Variants in ATP2B2 observed in about 807,000 individuals in gnomAD.
The protein encoded by ATP2B2 is plasma membrane calcium-transporting ATPase 2.
A neutral mutation model predicts 120.0 loss-of-function variants in ATP2B2; 15 were observed. The ratio of observed to expected loss-of-function variants is 0.12; its 90% confidence interval spans 0.08 to 0.19. ATP2B2 has a LOEUF of 0.19. ATP2B2 is among the 10% of genes least tolerant of loss of function. The pLI is 1.00. For missense variants in ATP2B2, 1,045 were observed against 1,719.8 expected (o/e 0.61, Z 6.94); for synonymous variants, 694 against 700.3 (o/e 0.99, Z 0.14).
chr3:10,424,311 C>T (rs1002862474), intron 2 of ATP2B2, among the ~76,000 whole-genome samples: 6 of 152,196 alleles, frequency 3.9e-5, no homozygotes, highest in Non-Finnish European at 7.3e-5. Flanking sequence ...CCTGAGGCTC[C>T]GAACTGTACT....
chr3:10,571,125 A>C (rs1482017021), intron 2 of ATP2B2, among the ~76,000 whole-genome samples: 1 of 152,244 alleles, frequency 6.6e-6, no homozygotes, highest in Non-Finnish European at 1.5e-5. Context: ...TTGGGGAGGA[A>C]GAAGGTGTTC....
intron 8 of ATP2B2, among the ~76,000 whole-genome samples, chr3:10,382,966 C>T (rs1207210972): frequency 6.6e-6 from 1 of 151,996 alleles, no homozygotes; most frequent in East Asian, 1.9e-4. Context: ...CTGTAATGTG[C>T]TCTCACCTGG....
intron 2 of ATP2B2, among the ~76,000 whole-genome samples, chr3:10,608,810 C>A (rs977436533): frequency 2.6e-5 from 4 of 152,216 alleles, no homozygotes; most frequent in Non-Finnish European, 4.4e-5. Context: ...AGAAACCATT[C>A]TCTTGGCAAG....
At chr3:10,630,004 G>A (rs911313832) in intron 1 of ATP2B2, among the ~76,000 whole-genome samples, 14 of 152,128 alleles carry the variant, frequency 9.2e-5, no homozygotes, top group Admixed American at 3.9e-4. Flanking sequence ...CCTTATCCTC[G>A]GGGACAGACT....
At chr3:10,517,301 C>A (rs1481706232) in intron 3 of ATP2B2, among the ~76,000 whole-genome samples, 2 of 152,240 alleles carry the variant, frequency 1.3e-5, no homozygotes, top group African/African-American at 4.8e-5. Flanking sequence ...TCGGCCACCC[C>A]TTCCCCTTCC....
chr3:10,690,204 G>T (rs975779213), intron 1 of ATP2B2, among the ~76,000 whole-genome samples: 1 of 152,238 alleles, frequency 6.6e-6, no homozygotes, highest in African/African-American at 2.4e-5. Context: ...TTGACATAGG[G>T]GGGGACAAAC....
chr3:10,327,564 A>G lies in ATP2B2; in HGVS notation c.*1250T>C, dbSNP rs1384875690. 2 of 152,696 alleles carry G rather than the reference A, an allele frequency of 1.3e-5. No individual in the cohort carries two copies. The highest frequency in any genetic ancestry group is 2.9e-5 in the Non-Finnish European group (2 of 68,056). The allele number at this position is 152,696 out of a possible 1,614,324, so 9.5% of individuals were successfully genotyped here. A position where few individuals can be genotyped will look rare whatever the true frequency, so the allele number is the denominator to read the frequency against. ...TAAAAAAAAAAATCAACACAATACC[A>G]TTTATAATATTTCAACACTACCTCA... On this transcript the variant is annotated 3_prime_UTR_variant, in exon 23 of 23. Transcript: ENST00000360273.
At chr3:10,553,641 TG>T (rs376053899) in intron 2 of ATP2B2, among the ~76,000 whole-genome samples, 2,228 of 152,152 alleles carry the variant, frequency 0.015, 52 homozygotes, top group African/African-American at 0.05. Context: ...ATTGCAGAGC[TG>T]GGGGGGAAAC....
chr3:10,643,645 A>G (rs79732681), intron 1 of ATP2B2, among the ~76,000 whole-genome samples: 3,493 of 152,308 alleles, frequency 0.023, 68 homozygotes, highest in South Asian at 0.087. Context: ...AAACAGACAA[A>G]CCCCAAATAA....
In ATP2B2 at chr3:10,345,412, A is replaced by G; in HGVS notation, c.2675T>C (p.Val892Ala). The G allele has an allele frequency of 1.2e-6, 2 of 1,614,206 alleles. No individual in the cohort carries two copies. The highest frequency in any genetic ancestry group is 1.7e-6 in the Non-Finnish European group (2 of 1,180,030). The change falls in exon 18 of 23, where the codon GTG becomes GCG. Residue 892 changes from valine (V) to alanine (A), a missense_variant. Physicochemically the swap from Val to Ala is moderately conservative, Grantham distance 64 (BLOSUM62 0). Around this residue, in one of 11 missense-constraint regions of ATP2B2, gnomAD observed 98 missense variants for 266.7 expected, o/e 0.37. Transcript: ENST00000360273. The part of the protein sequence containing the change: ...QLTVNVVAVI[V>A]AFTGACITQD... ...CGTGATGCAGGCGCCTGTGAAGGCC[A>G]CAATCACGGCCACCACGTTGACGGT...
chr3:10,563,444 G>A (rs2067945744), intron 2 of ATP2B2, among the ~76,000 whole-genome samples: 1 of 152,256 alleles, frequency 6.6e-6, no homozygotes, highest in Admixed American at 6.5e-5. Context: ...TAAACAGGAT[G>A]TTATGTGGCT....
At chr3:10,425,974 C>T (rs1277890843) in intron 2 of ATP2B2, among the ~76,000 whole-genome samples, 1 of 152,222 alleles carries the variant, frequency 6.6e-6, no homozygotes, top group East Asian at 1.9e-4. Flanking sequence ...ATCCAGAAGG[C>T]CCTGCACAGA....
intron 3 of ATP2B2, among the ~76,000 whole-genome samples, chr3:10,515,228 CA>C (rs1236470753): frequency 1.3e-5 from 2 of 152,134 alleles, no homozygotes; most frequent in African/African-American, 4.8e-5. Flanking sequence ...GTGGGGCTAA[CA>C]ATACCTGCAA....
At chr3:10,429,577 T>C (rs1207402831) in intron 2 of ATP2B2, among the ~76,000 whole-genome samples, 1 of 152,216 alleles carries the variant, frequency 6.6e-6, no homozygotes, top group Non-Finnish European at 1.5e-5. Context: ...ACTGCTCCAC[T>C]AACCGGCTGT....
chr3:10,330,715 G>A (rs903089742), intron 22 of ATP2B2, among the ~76,000 whole-genome samples: 7 of 152,216 alleles, frequency 4.6e-5, no homozygotes, highest in African/African-American at 1.7e-4. Context: ...AGCTCTCAGC[G>A]GAACCCAGGG....
rs1240770392 is a variant in ATP2B2 at position 10,378,387 on chromosome 3, C to T, written c.1066G>A (p.Ala356Thr). Residue 356 changes from alanine (A) to threonine (T), a missense_variant, in exon 10 of 23, where the codon GCC (alanine) becomes ACC (threonine). This residue lies in a region of ATP2B2 where 145 missense variants were observed against 202.0 expected (regional missense o/e 0.72). Transcript: ENST00000360273. Reference sequence around the variant, plus strand: ...CTCTTGAGGGGCTGCATCTCCATGGCGGCTGCCCCGTCCTGTTGTTTGGCT... The same window carrying T: ...CTCTTGAGGGGCTGCATCTCCATGGTGGCTGCCCCGTCCTGTTGTTTGGCT... ...SKAKQQDGAA[A>T]MEMQPLKSAE... The T allele has an allele frequency of 1.9e-6, 3 of 1,602,944 alleles. No homozygotes were observed. Among genetic ancestry groups the T allele is most frequent in the East Asian group, 2.2e-5 (1 of 44,896 alleles).
chr3:10,512,767 G>A (rs936264844), intron 3 of ATP2B2, among the ~76,000 whole-genome samples: 3 of 152,188 alleles, frequency 2.0e-5, no homozygotes, highest in Non-Finnish European at 4.4e-5. Flanking sequence ...CCCACCCTCT[G>A]GGACTCTGCC....
Position 10,329,300 on chromosome 3 carries a change from G to T in ATP2B2, c.3421-175C>A, listed in dbSNP as rs1254662102. Among the ~76,000 whole-genome samples the T allele has an allele frequency of 6.6e-6, 1 of 151,984 alleles. No homozygotes were observed. The highest frequency in any genetic ancestry group is 1.5e-5 in the Non-Finnish European group (1 of 68,006). ...GGGGAGAGTGAAAAAGGGGGCTCAG[G>T]TTATAGGCATCCTTGAGCTGGTTTT... On this transcript the variant is annotated intron_variant, in intron 22 of 22. Transcript: ENST00000360273. This position sits in a 1 kb window ranked among gnomAD's most constrained non-coding sequence, Gnocchi z 5.9.
At chr3:10,629,583 A>G (rs1000771) in intron 1 of ATP2B2, among the ~76,000 whole-genome samples, 12,579 of 152,110 alleles carry the variant, frequency 0.083, 831 homozygotes, top group Admixed American at 0.2. Context: ...TGTTTTTCAG[A>G]GGCAGAGGCA....
Sources: gnomAD v4.1 joint callset for allele counts (sites outside exome capture counted in the v4.1 genomes callset) on GRCh38, gnomAD v4.1.1 for gene constraint, gnomAD v4.1.1 regional missense constraint, Gnocchi (gnomAD v3.1) non-coding constraint, MANE v1.5 for transcripts, NCBI Gene and HGNC (gene_info 2026-07-23, HGNC 2026-07-21) for gene names.